CAB39: variants seen among roughly 807,000 people sequenced by gnomAD.
CAB39 encodes the protein calcium-binding protein 39.
CAB39 carries 8 observed loss-of-function variants against 40.0 expected under a neutral mutation model. The observed-to-expected ratio is 0.20, with a 90% CI of 0.12 to 0.36. The LOEUF (loss-of-function observed/expected upper bound fraction) is 0.36, where lower values mean the gene tolerates loss of function less well. Among genes scored for constraint, CAB39 ranks in the 10% least tolerant of loss-of-function variants. The pLI, the probability that CAB39 is intolerant of heterozygous loss-of-function variation, is 1.00. For synonymous variants in CAB39, 156 were observed against 141.6 expected (o/e 1.10, Z -0.72); for missense variants, 270 against 401.1 (o/e 0.67, Z 2.79).
chr2:230,803,672 A>G (rs1187509117), intron 5 of CAB39, among the ~76,000 whole-genome samples: 1 of 152,224 alleles, frequency 6.6e-6, no homozygotes, highest in Non-Finnish European at 1.5e-5. Flanking sequence ...AGAGAATAAA[A>G]TACCTAGGAG....
chr2:230,786,087 C>T (rs1266395093), intron 2 of CAB39, among the ~76,000 whole-genome samples: 1 of 148,816 alleles, frequency 6.7e-6, no homozygotes, highest in Non-Finnish European at 1.5e-5. Flanking sequence ...TGGCATGAAC[C>T]CGGGAGGTGG....
At chr2:230,806,899 G>T (rs1261909696) in intron 5 of CAB39, among the ~76,000 whole-genome samples, 2 of 152,106 alleles carry the variant, frequency 1.3e-5, no homozygotes, top group Non-Finnish European at 2.9e-5. Flanking sequence ...ATTTCTTCAG[G>T]GATCCCAGGG....
At position 230,804,074 on chromosome 2, in the gene CAB39, G is replaced by A. The variant is rs139524743; in HGVS notation, c.567+5177G>A. On this transcript the variant is annotated intron_variant, in intron 5 of 8. Coordinates refer to ENST00000258418, the MANE Select transcript of CAB39 (RefSeq NM_016289.4). ...AGATATAGACCAATGGAACAGAACA[G>A]AGGCCTCAGAAATAACACCGCACAC... is the stretch of plus-strand genomic sequence containing the variant. Among the ~76,000 whole-genome samples, 967 of 152,280 alleles carry A rather than the reference G, an allele frequency of 6.4e-3. 4 individuals are homozygous for A. The highest frequency in any genetic ancestry group is 0.017 in the African/African-American group (711 of 41,548).
chr2:230,767,262 C>T (rs1695402944), intron 2 of CAB39, among the ~76,000 whole-genome samples: 1 of 152,148 alleles, frequency 6.6e-6, no homozygotes, highest in African/African-American at 2.4e-5. Context: ...GTTTTTCAGG[C>T]CAAAAGTCTT....
intron 4 of CAB39, among the ~76,000 whole-genome samples, chr2:230,797,360 C>T (rs1303510495): frequency 6.6e-6 from 1 of 152,134 alleles, no homozygotes; most frequent in East Asian, 1.9e-4. Flanking sequence ...GATTCAACCC[C>T]ACAGTCACAC....
intron 7 of CAB39, among the ~76,000 whole-genome samples, chr2:230,817,348 AGTT>A (rs1169793445): frequency 6.6e-6 from 1 of 152,250 alleles, no homozygotes; most frequent in African/African-American, 2.4e-5. Context: ...ATTTAAAAAT[AGTT>A]GTTTTAAATT....
chr2:230,741,114 A>G (rs576404938), intron 1 of CAB39, among the ~76,000 whole-genome samples: 2 of 152,268 alleles, frequency 1.3e-5, no homozygotes, highest in Admixed American at 6.5e-5. Context: ...TAATTCCCCC[A>G]AGGTTTATCT....
intron 2 of CAB39, among the ~76,000 whole-genome samples, chr2:230,770,473 A>G (rs896766446): frequency 1.3e-5 from 2 of 152,200 alleles, no homozygotes; most frequent in African/African-American, 4.8e-5. Flanking sequence ...CACAGTGAAG[A>G]CTCTAGGCCC....
intron 5 of CAB39, among the ~76,000 whole-genome samples, chr2:230,808,322 TC>T (rs1696239938): frequency 6.6e-6 from 1 of 152,132 alleles, no homozygotes; most frequent in Non-Finnish European, 1.5e-5. Context: ...CCTCAGGTGA[TC>T]CACCCACCTC....
chr2:230,788,335 G>A (rs1357114724), intron 2 of CAB39, among the ~76,000 whole-genome samples: 1 of 150,620 alleles, frequency 6.6e-6, no homozygotes, highest in African/African-American at 2.4e-5. Context: ...TACTACTTCA[G>A]TTATTATAAG....
At chr2:230,809,074 G>A (rs755355727) in intron 5 of CAB39, among the ~76,000 whole-genome samples, 4 of 152,200 alleles carry the variant, frequency 2.6e-5, no homozygotes, top group Non-Finnish European at 5.9e-5. Context: ...CAATCAGGAG[G>A]AGTTGAGGTC....
intron 2 of CAB39, among the ~76,000 whole-genome samples, chr2:230,784,310 T>C (rs1273975230): frequency 2.6e-5 from 4 of 152,110 alleles, no homozygotes; most frequent in African/African-American, 7.2e-5. Flanking sequence ...ATGTATTCGA[T>C]TTGAGGTACC....
At chr2:230,815,191 T>C (rs1487368107) in intron 7 of CAB39, among the ~76,000 whole-genome samples, 1 of 152,200 alleles carries the variant, frequency 6.6e-6, no homozygotes, top group Non-Finnish European at 1.5e-5. Context: ...CTTTTTTCCG[T>C]GTAAGGCTGT....
In CAB39 at chr2:230,748,831, AATATATAT is replaced by A. The variant is rs71052546; in HGVS notation, c.-43-11098_-43-11091del. Among the ~76,000 whole-genome samples the A allele has an allele frequency of 6.7e-3, 191 of 28,448 alleles. 4 individuals are homozygous for A. Among genetic ancestry groups the A allele is most frequent in the African/African-American group, 0.011 (88 of 7,954 alleles). 18.7% of individuals were successfully genotyped at this position (28,448 alleles called of 152,430 possible). A position where few individuals can be genotyped will look rare whatever the true frequency, so the allele number is the denominator to read the frequency against. ...CCAAAAAGAAAAAAAAAAAAAAAAA[AATATATAT>A]ATATATATATATATATATATATATA... On this transcript the variant is annotated intron_variant, in intron 1 of 8. Coordinates refer to ENST00000258418, the MANE Select transcript of CAB39 (RefSeq NM_016289.4).
At chr2:230,786,163 C>CAAAA (rs369510604) in intron 2 of CAB39, among the ~76,000 whole-genome samples, 16 of 72,738 alleles carry the variant, frequency 2.2e-4, no homozygotes, top group African/African-American at 6.3e-4. Flanking sequence ...GACTCTGTCT[C>CAAAA]AAAAAAAAAA....
At chr2:230,786,942 C>A (rs1468189562) in intron 2 of CAB39, among the ~76,000 whole-genome samples, 1 of 152,166 alleles carries the variant, frequency 6.6e-6, no homozygotes, top group Non-Finnish European at 1.5e-5. Context: ...ACCATCAGAT[C>A]TCCAAGGCAT....
At chr2:230,817,688 G>T in intron 7 of CAB39, 66 bp from the exon 8 acceptor site, 1 of 1,272,150 alleles carries the variant, frequency 7.9e-7, no homozygotes, top group Non-Finnish European at 1.1e-6. Flanking sequence ...AAAATAAATT[G>T]TTTTTTTAAA....
intron 1 of CAB39, among the ~76,000 whole-genome samples, chr2:230,727,050 A>G (rs932230810): frequency 5.3e-5 from 8 of 151,922 alleles, no homozygotes; most frequent in Non-Finnish European, 1.0e-4. Context: ...GGAACAAGAC[A>G]TAGGAGTATA....
intron 2 of CAB39, among the ~76,000 whole-genome samples, chr2:230,778,628 G>T (rs1444734276): frequency 6.6e-6 from 1 of 152,056 alleles, no homozygotes; most frequent in African/African-American, 2.4e-5. Flanking sequence ...ATTTTTTAAT[G>T]GGAAAGCAGG....
Sources: gnomAD v4.1 joint callset for allele counts (sites outside exome capture counted in the v4.1 genomes callset) on GRCh38, gnomAD v4.1.1 for gene constraint, MANE v1.5 for transcripts, NCBI Gene and HGNC (gene_info 2026-07-23, HGNC 2026-07-21) for gene names.